AKAP14: variants seen among roughly 807,000 people sequenced by gnomAD.
AKAP14 encodes A-kinase anchor protein 14.
In AKAP14, 4 loss-of-function variants were observed where a neutral mutation model predicts 17.0. The observed-to-expected ratio is 0.23, with a 90% CI of 0.12 to 0.54. The LOEUF is 0.54. Among genes scored for constraint, AKAP14 ranks in the 20% least tolerant of loss-of-function variants. The pLI is 0.95. For missense variants in AKAP14, 129 were observed against 150.9 expected, an observed-to-expected ratio of 0.85 and a Z score of 0.76; for synonymous variants, 42 against 51.3, an observed-to-expected ratio of 0.82 and a Z score of 0.77.
intron 4 of AKAP14, among the ~76,000 whole-genome samples, chrX:119,906,964 A>C (rs182462003): frequency 8.9e-6 from 1 of 112,148 alleles, no homozygotes; most frequent in Non-Finnish European, 1.9e-5. Flanking sequence ...GCTATGTGTT[A>C]AGCACTGCAG....
At chrX:119,911,696 T>A (rs1439372899) in intron 4 of AKAP14, among the ~76,000 whole-genome samples, 1 of 110,363 alleles carries the variant, frequency 9.1e-6, no homozygotes, top group Non-Finnish European at 1.9e-5. Context: ...GAGAAAAGTG[T>A]GACATGAAAC....
At chrX:119,901,761 G>A (rs780331402) in intron 2 of AKAP14, among the ~76,000 whole-genome samples, 1 of 107,416 alleles carries the variant, frequency 9.3e-6, no homozygotes, top group African/African-American at 3.4e-5. Context: ...TGTAATCCCA[G>A]CACTTTGGGA....
intron 4 of AKAP14, among the ~76,000 whole-genome samples, chrX:119,910,904 C>T (rs1488444590): frequency 9.2e-6 from 1 of 108,179 alleles, no homozygotes; most frequent in African/African-American, 3.3e-5. Context: ...TCAGGTGATC[C>T]GCCCTCCTCG....
chrX:119,909,091 A>T (rs1482498507), intron 4 of AKAP14, among the ~76,000 whole-genome samples: 2 of 111,515 alleles, frequency 1.8e-5, no homozygotes, highest in African/African-American at 6.5e-5. Context: ...GCATTAGATT[A>T]TCTCTAGTGA....
At chrX:119,914,007 G>A (rs1193833843) in intron 4 of AKAP14, among the ~76,000 whole-genome samples, 1 of 110,807 alleles carries the variant, frequency 9.0e-6, no homozygotes, top group African/African-American at 3.3e-5. Flanking sequence ...GGCCAAGGTG[G>A]GTAAATCGCT....
intron 4 of AKAP14, among the ~76,000 whole-genome samples, chrX:119,912,829 A>G (rs763988509): frequency 2.4e-4 from 27 of 111,738 alleles, no homozygotes; most frequent in Non-Finnish European, 3.6e-4. Flanking sequence ...CCCCCCATCC[A>G]TGGATGTAAC....
chrX:119,907,692 C>T (rs1276479009), intron 4 of AKAP14, among the ~76,000 whole-genome samples: 2 of 110,467 alleles, frequency 1.8e-5, no homozygotes, highest in Non-Finnish European at 3.8e-5. Context: ...CTCCTGGCCT[C>T]AAGTGGTCCT....
chrX:119,902,674 A>G (rs2032203552), intron 2 of AKAP14, among the ~76,000 whole-genome samples: 1 of 111,596 alleles, frequency 9.0e-6, no homozygotes, highest in African/African-American at 3.2e-5. Flanking sequence ...GATTTAAGTC[A>G]TTATGGTGTT....
At chrX:119,909,756 G>A (rs1050749388) in intron 4 of AKAP14, among the ~76,000 whole-genome samples, 1 of 103,150 alleles carries the variant, frequency 9.7e-6, no homozygotes, top group South Asian at 4.5e-4. Flanking sequence ...GTGGTGGTGA[G>A]CACCTGTAAT....
intron 4 of AKAP14, among the ~76,000 whole-genome samples, chrX:119,907,635 T>G (rs1241169313): frequency 2.8e-5 from 3 of 108,408 alleles, no homozygotes; most frequent in African/African-American, 1.0e-4. Flanking sequence ...ATTTTTTATT[T>G]TTTTGTAGAG....
In AKAP14 at chrX:119,896,805, C is replaced by CTTTTTTTTTTTTTTTTTTTTT. The variant is rs765107118; in HGVS notation, c.-11+545_-11+546insTTTTTTTTTTTTTTTTTTTTT. Among the ~76,000 whole-genome samples the CTTTTTTTTTTTTTTTTTTTTT allele has an allele frequency of 2.8e-5, 2 of 70,770 alleles. 1 individual carries two copies. 61.5% of individuals were successfully genotyped at this position (70,770 alleles called of 115,157 possible). A position where few individuals can be genotyped will look rare whatever the true frequency, so the allele number is the denominator to read the frequency against. On this transcript the variant is annotated intron_variant, in intron 2 of 6. Transcript: ENST00000371431. ...CAAATGGGCAATTTTCTTTTCTTTT[C>CTTTTTTTTTTTTTTTTTTTTT]TTTTTTTCTTTTTTTTTTTTTTTGA...
At chrX:119,900,090 G>A (rs2056555899) in intron 2 of AKAP14, among the ~76,000 whole-genome samples, 2 of 108,275 alleles carry the variant, frequency 1.8e-5, no homozygotes. Flanking sequence ...CACCATGCCA[G>A]TCCAACTTTT....
intron 2 of AKAP14, among the ~76,000 whole-genome samples, chrX:119,900,430 C>T (rs1438508875): frequency 9.0e-6 from 1 of 111,539 alleles, no homozygotes; most frequent in Admixed American, 9.6e-5. Flanking sequence ...GATGGGGTTT[C>T]TCCATGTTGG....
intron 4 of AKAP14, among the ~76,000 whole-genome samples, chrX:119,912,712 T>C (rs1264794007): frequency 9.0e-6 from 1 of 111,022 alleles, no homozygotes; most frequent in Non-Finnish European, 1.9e-5. Context: ...TTCAATAATG[T>C]AGTTAACCTT....
chrX:119,906,695 G>A (rs1165114285), intron 4 of AKAP14, among the ~76,000 whole-genome samples: 1 of 110,766 alleles, frequency 9.0e-6, no homozygotes, highest in Admixed American at 9.8e-5. Context: ...CACCATGCCA[G>A]GCCAATTTAT....
chrX:119,903,209 C>T lies in AKAP14; in HGVS notation c.-10-5C>T. 8.3e-7 allele frequency: 1 copy of T among 1,204,079 alleles called. No homozygotes were observed. Among genetic ancestry groups the T allele is most frequent in the Non-Finnish European group, 1.1e-6 (1 of 892,669 alleles). On this transcript the variant is annotated splice_region_variant and splice_polypyrimidine_tract_variant and intron_variant, in intron 2 of 6. Transcript: ENST00000371431. ...AGGCACACAGTAACTTCTTTTTTTC[C>T]CCAGGAAAAAGAAAATGAGTGAGAC... is the stretch of plus-strand genomic sequence containing the variant.
At position 119,919,903 on chromosome X, in the gene AKAP14, T is replaced by C; in HGVS notation, c.442-8T>C. The C allele has an allele frequency of 1.7e-6, 2 of 1,209,420 alleles. No individual in the cohort carries two copies. The highest frequency in any genetic ancestry group is 1.1e-6 in the Non-Finnish European group (1 of 893,651). ...GTCTGGGCTAACAGTTGTCCTTCTC[T>C]TTTTTAGGATGCACCCATTGTTGTT... On this transcript the variant is annotated splice_polypyrimidine_tract_variant and splice_region_variant and intron_variant, in intron 5 of 6. Coordinates refer to ENST00000371431, the MANE Select transcript of AKAP14 (RefSeq NM_178813.6).
intron 4 of AKAP14, among the ~76,000 whole-genome samples, chrX:119,912,957 T>C (rs2056635959): frequency 9.1e-6 from 1 of 109,639 alleles, no homozygotes; most frequent in African/African-American, 3.3e-5. Context: ...GAAGATTTTG[T>C]TTCTCAACTC....
intron 4 of AKAP14, among the ~76,000 whole-genome samples, chrX:119,909,253 G>A (rs929803070): frequency 3.6e-5 from 4 of 111,359 alleles, no homozygotes; most frequent in African/African-American, 6.5e-5. Flanking sequence ...TTGGAAGGCC[G>A]AGGCAGGTGG....
Sources: allele counts gnomAD v4.1 joint callset (sites outside exome capture counted in the v4.1 genomes callset), GRCh38; gene constraint gnomAD v4.1.1; transcripts MANE v1.5; gene names NCBI Gene and HGNC (gene_info 2026-07-23, HGNC 2026-07-21).